ZFPM2: variants seen among roughly 807,000 people sequenced by gnomAD.
ZFPM2 encodes the protein zinc finger protein, FOG family member 2, also known as zinc finger protein ZFPM2.
A neutral mutation model predicts 98.6 loss-of-function variants in ZFPM2; 20 were observed. The ratio of observed to expected loss-of-function variants is 0.20; its 90% confidence interval spans 0.14 to 0.29. The LOEUF is 0.29. Ranked by LOEUF, ZFPM2 falls within the 10% of genes least tolerant of loss-of-function variation. The pLI is 1.00. For missense variants in ZFPM2, 1,310 were observed against 1,388.6 expected (o/e 0.94, Z 0.90); for synonymous variants, 518 against 502.7 (o/e 1.03, Z -0.41).
chr8:105,486,753 G>T (rs1373107176), intron 3 of ZFPM2, among the ~76,000 whole-genome samples: 5 of 152,140 alleles, frequency 3.3e-5, no homozygotes, highest in African/African-American at 7.2e-5. Context: ...ATGTGTATAA[G>T]ATCTGAGTTT....
chr8:105,480,188 G>A (rs544422070), intron 3 of ZFPM2, among the ~76,000 whole-genome samples: 2 of 152,218 alleles, frequency 1.3e-5, no homozygotes, highest in African/African-American at 4.8e-5. Context: ...TGGTTCACAG[G>A]GGAGTAGAGA....
chr8:105,492,509 G>A (rs2130436720), intron 3 of ZFPM2, among the ~76,000 whole-genome samples: 1 of 152,120 alleles, frequency 6.6e-6, no homozygotes, highest in East Asian at 1.9e-4. Context: ...ATTGCTTCTT[G>A]GGAAAATGAC....
intron 5 of ZFPM2, among the ~76,000 whole-genome samples, chr8:105,659,656 G>A (rs1686395066): frequency 6.6e-6 from 1 of 152,084 alleles, no homozygotes; most frequent in South Asian, 2.1e-4. Context: ...TACATTTAAA[G>A]CTCTCACTAA....
chr8:105,559,583 A>T (rs939857478), intron 3 of ZFPM2, among the ~76,000 whole-genome samples: 11 of 152,188 alleles, frequency 7.2e-5, no homozygotes, highest in Non-Finnish European at 1.6e-4. Context: ...AGATATAGAT[A>T]AATTTAAATT....
At chr8:105,331,466 T>G (rs1812232988) in intron 1 of ZFPM2, among the ~76,000 whole-genome samples, 1 of 151,604 alleles carries the variant, frequency 6.6e-6, no homozygotes, top group Admixed American at 6.6e-5. Context: ...AAGGTACGTG[T>G]TAGGGGATTT....
intron 3 of ZFPM2, among the ~76,000 whole-genome samples, chr8:105,554,943 C>T (rs553671394): frequency 1.3e-5 from 2 of 152,116 alleles, no homozygotes; most frequent in African/African-American, 4.8e-5. Context: ...ATAGCACTTT[C>T]AAAGAAAAAA....
At chr8:105,618,892 T>C (rs1816473506) in intron 4 of ZFPM2, among the ~76,000 whole-genome samples, 1 of 152,158 alleles carries the variant, frequency 6.6e-6, no homozygotes, top group Non-Finnish European at 1.5e-5. Flanking sequence ...ATGCTAAAAC[T>C]GATATATACA....
intron 3 of ZFPM2, among the ~76,000 whole-genome samples, chr8:105,536,968 C>T (rs1160984389): frequency 6.6e-6 from 1 of 152,152 alleles, no homozygotes; most frequent in Non-Finnish European, 1.5e-5. Context: ...AGTAGGTCAT[C>T]ACTGCCATAA....
intron 5 of ZFPM2, among the ~76,000 whole-genome samples, chr8:105,742,651 G>T (rs2131036012): frequency 6.6e-6 from 1 of 152,136 alleles, no homozygotes; most frequent in South Asian, 2.1e-4. Flanking sequence ...CAGCATTTTA[G>T]GAGGCTGAGT....
intron 4 of ZFPM2, among the ~76,000 whole-genome samples, chr8:105,616,054 G>A (rs1331150657): frequency 6.6e-6 from 1 of 151,852 alleles, no homozygotes. Context: ...ATAGCATATG[G>A]TGTAAGAAGA....
intron 1 of ZFPM2, among the ~76,000 whole-genome samples, chr8:105,325,756 C>CA (rs146409197): frequency 0.031 from 4,659 of 151,770 alleles, 96 homozygotes; most frequent in Non-Finnish European, 0.043. Context: ...GAGAGGGTGT[C>CA]ATACCGTTAC....
chr8:105,579,779 T>C (rs1294444324), intron 4 of ZFPM2, among the ~76,000 whole-genome samples: 1 of 152,178 alleles, frequency 6.6e-6, no homozygotes, highest in Non-Finnish European at 1.5e-5. Context: ...CATGTTTCTT[T>C]CCACAAACTG....
At chr8:105,349,784 A>G (rs1257658573) in intron 1 of ZFPM2, among the ~76,000 whole-genome samples, 4 of 152,284 alleles carry the variant, frequency 2.6e-5, no homozygotes, top group African/African-American at 9.6e-5. Flanking sequence ...TTGTTTTTCT[A>G]TATTTTTATG....
At position 105,788,844 on chromosome 8, in the gene ZFPM2, C is replaced by G; in HGVS notation, c.659C>G (p.Pro220Arg). The G allele has an allele frequency of 1.2e-6, 2 of 1,613,912 alleles. No homozygotes were observed. The highest frequency in any genetic ancestry group is 1.7e-6 in the Non-Finnish European group (2 of 1,179,864). Reference protein sequence around the residue: ...SQMTLTEGMYPARLLDSIQLL... With the variant: ...SQMTLTEGMYRARLLDSIQLL... The stretch of plus-strand genomic sequence containing the variant: ...ATGACTCTCACAGAAGGGATGTACC[C>G]TGCACGCCTGCTGGACTCAATTCAG... Residue 220 changes from proline to arginine, a missense_variant, in exon 6 of 8, where the codon CCT (proline) becomes CGT (arginine). Pro to Arg is a moderately radical substitution (Grantham distance 103, BLOSUM62 -2). Coordinates refer to ENST00000407775, the MANE Select transcript of ZFPM2 (RefSeq NM_012082.4).
At position 105,803,049 on chromosome 8, in the gene ZFPM2, A is replaced by G; in HGVS notation, c.2967A>G (p.Pro989=). ...DQLSPYYGIK[P]SDYISGSLVI... ...TTTCTCCATATTATGGAATCAAGCC[A>G]AGTGATTATATTTCTGGTTCTCTTG... The change falls in exon 8 of 8, where the codon CCA becomes CCG. Residue 989 remains proline, a synonymous_variant. Transcript: ENST00000407775. 2 of 1,613,648 alleles carry G rather than the reference A, an allele frequency of 1.2e-6. No homozygotes were observed.
At chr8:105,640,961 C>T (rs1312266384) in intron 5 of ZFPM2, among the ~76,000 whole-genome samples, 1 of 151,844 alleles carries the variant, frequency 6.6e-6, no homozygotes, top group African/African-American at 2.4e-5. Context: ...GGGTGAGTGC[C>T]CGAACTAAAT....
intron 4 of ZFPM2, among the ~76,000 whole-genome samples, chr8:105,599,686 G>A (rs1354658988): frequency 6.6e-6 from 1 of 152,028 alleles, no homozygotes; most frequent in African/African-American, 2.4e-5. Context: ...GGCTATTACC[G>A]GTTAGCTCCT....
At chr8:105,455,252 A>G (rs1812564367) in intron 3 of ZFPM2, among the ~76,000 whole-genome samples, 1 of 152,204 alleles carries the variant, frequency 6.6e-6, no homozygotes, top group African/African-American at 2.4e-5. Flanking sequence ...ACCTCAATCT[A>G]GGTAAAAGGG....
chr8:105,777,899 G>A (rs1041018449), intron 5 of ZFPM2, among the ~76,000 whole-genome samples: 1 of 152,186 alleles, frequency 6.6e-6, no homozygotes, highest in African/African-American at 2.4e-5. Context: ...GGACTTCTCT[G>A]TGCTGGGCTC....
Sources: allele counts gnomAD v4.1 joint callset (sites outside exome capture counted in the v4.1 genomes callset), GRCh38; gene constraint gnomAD v4.1.1; transcripts MANE v1.5; gene names NCBI Gene and HGNC (gene_info 2026-07-23, HGNC 2026-07-21).